COL20A1: variants seen among roughly 807,000 people sequenced by gnomAD.
The protein encoded by COL20A1 is collagen type XX alpha 1 chain, also known as collagen alpha-1(XX) chain.
COL20A1 carries 164 observed loss-of-function variants against 152.9 expected under a neutral mutation model. That is an observed-to-expected ratio of 1.07 (90% confidence interval 0.94 to 1.22). COL20A1 has a LOEUF of 1.22. Among genes scored for constraint, COL20A1 ranks in the 50% most tolerant of loss-of-function variants. The pLI, the probability that COL20A1 is intolerant of heterozygous loss-of-function variation, is 0.00. For synonymous variants in COL20A1, 864 were observed against 756.0 expected (o/e 1.14, Z -2.34); for missense variants, 1,873 against 1,744.8 (o/e 1.07, Z -1.31).
chr20:63,303,004 G>C (rs1020173913), intron 3 of COL20A1, among the ~76,000 whole-genome samples: 1 of 152,188 alleles, frequency 6.6e-6, no homozygotes, highest in African/African-American at 2.4e-5. Flanking sequence ...GGTGTGTCTT[G>C]TGAAGTTAAG....
intron 21 of COL20A1, among the ~76,000 whole-genome samples, chr20:63,318,282 C>T (rs80095577): frequency 9.4e-4 from 143 of 152,306 alleles, no homozygotes; most frequent in Admixed American, 2.0e-3. Context: ...ATCACAGGTG[C>T]CCAGGCCCCA....
intron 30 of COL20A1, 98 bp downstream of exon 30, chr20:63,326,247 G>A (rs902459393): frequency 2.1e-5 from 20 of 975,160 alleles, no homozygotes; most frequent in Non-Finnish European, 3.1e-5. Context: ...CCACCCCTAG[G>A]TTACCCCAGG....
At position 63,328,147 on chromosome 20, in the gene COL20A1, T is replaced by G; in HGVS notation, c.3613+20T>G. On this transcript the variant is annotated intron_variant, in intron 33 of 35. Coordinates refer to ENST00000358894, the MANE Select transcript of COL20A1 (RefSeq NM_020882.4). Reference sequence around the variant, plus strand: ...AGGCCTGTGAGTCTGCCATTCAGAGTGAGTGAGGCCAGCAGCCCTGCACCT... The same window carrying G: ...AGGCCTGTGAGTCTGCCATTCAGAGGGAGTGAGGCCAGCAGCCCTGCACCT... 1 of 1,612,556 alleles carries G rather than the reference T, an allele frequency of 6.2e-7. No individual in the cohort carries two copies. Among genetic ancestry groups the G allele is most frequent in the African/African-American group, 1.3e-5 (1 of 74,966 alleles).
At chr20:63,317,720 T>TC (rs1040442027) in intron 21 of COL20A1, among the ~76,000 whole-genome samples, 1 of 148,790 alleles carries the variant, frequency 6.7e-6, no homozygotes, top group Non-Finnish European at 1.5e-5. Flanking sequence ...ATCCTCTCCC[T>TC]CCCCCCAGTC....
Position 63,320,204 on chromosome 20 carries a change from TG to T in COL20A1, c.3075+10del. ...CCGGAGCAGTTCGGCCGCGGTGAGT[TG>T]GGCCCTGCCCACCTGCTGGGCCACG... is the stretch of plus-strand genomic sequence containing the variant. On this transcript the variant is annotated splice_region_variant and intron_variant, in intron 24 of 35. Transcript: ENST00000358894. 1.9e-6 allele frequency: 3 copies of T among 1,595,864 alleles called. No individual in the cohort carries two copies. The highest frequency in any genetic ancestry group is 2.6e-6 in the Non-Finnish European group (3 of 1,174,500).
At chr20:63,308,405 T>C (rs2067958373) in intron 7 of COL20A1, 137 bp from the exon 8 acceptor site, 1 of 887,870 alleles carries the variant, frequency 1.1e-6, no homozygotes, top group Non-Finnish European at 1.7e-6. Context: ...CCCTCCCTGC[T>C]CCCTTGGGCT....
intron 26 of COL20A1, 68 bp downstream of exon 26, chr20:63,321,167 A>T: frequency 9.1e-7 from 1 of 1,095,216 alleles, no homozygotes; most frequent in Non-Finnish European, 1.4e-6. Context: ...CCACTGGTGG[A>T]TGTGTAACCC....
intron 3 of COL20A1, among the ~76,000 whole-genome samples, chr20:63,304,727 C>T (rs1173587400): frequency 6.6e-6 from 1 of 151,052 alleles, no homozygotes; most frequent in Non-Finnish European, 1.5e-5. Context: ...GTTCCTCCCT[C>T]CCTCCCTCCC....
intron 8 of COL20A1, among the ~76,000 whole-genome samples, chr20:63,309,063 C>T (rs892851158): frequency 1.3e-5 from 2 of 152,176 alleles, no homozygotes; most frequent in African/African-American, 4.8e-5. Flanking sequence ...TTCCTGGCAT[C>T]CTCCAGGGCC....
chr20:63,323,079 C>T (rs1292626597), intron 27 of COL20A1, among the ~76,000 whole-genome samples: 1 of 152,298 alleles, frequency 6.6e-6, no homozygotes, highest in Non-Finnish European at 1.5e-5. Context: ...CCCCATCTTG[C>T]ATTCCTGGCT....
intron 3 of COL20A1, among the ~76,000 whole-genome samples, chr20:63,300,475 T>G (rs995450403): frequency 1.3e-5 from 2 of 152,232 alleles, no homozygotes; most frequent in Non-Finnish European, 2.9e-5. Context: ...TTGTATTTTA[T>G]ATAAATTTCC....
rs6089886 is a variant in COL20A1 at position 63,328,956 on chromosome 20, G to A, written c.3781+458G>A. On this transcript the variant is annotated intron_variant, in intron 34 of 35. Transcript: ENST00000358894. ...TTGGTGCTCCTCCTCCTCTGAGGCAGCAGCGGTGGGTCATGACTTGGACGC... is the reference window on the plus strand; with the variant it reads ...TTGGTGCTCCTCCTCCTCTGAGGCAACAGCGGTGGGTCATGACTTGGACGC... 4.2e-3 allele frequency among the ~76,000 whole-genome samples: 642 copies of A among 152,324 alleles called. 6 individuals carry two copies. Among genetic ancestry groups the A allele is most frequent in the South Asian group, 0.019 (91 of 4,828 alleles).
chr20:63,315,014 C>T (rs1288942370), intron 19 of COL20A1, among the ~76,000 whole-genome samples: 1 of 152,112 alleles, frequency 6.6e-6, no homozygotes, highest in East Asian at 1.9e-4. Context: ...CTCCCTGGCC[C>T]CCAGGACACG....
chr20:63,312,785 C>T lies in COL20A1; in HGVS notation c.1934-7C>T. Reference sequence around the variant, plus strand: ...ACACCCCCAGCCTGTGTCTCCACTTCCTTCAGAGAAAGCTCCCAGCCCAAG... The same window carrying T: ...ACACCCCCAGCCTGTGTCTCCACTTTCTTCAGAGAAAGCTCCCAGCCCAAG... On this transcript the variant is annotated splice_polypyrimidine_tract_variant and splice_region_variant and intron_variant, in intron 15 of 35. Transcript: ENST00000358894. The T allele has an allele frequency of 1.9e-6, 3 of 1,542,282 alleles. No individual in the cohort carries two copies. Among genetic ancestry groups the T allele is most frequent in the Non-Finnish European group, 2.6e-6 (3 of 1,138,266 alleles).
At chr20:63,298,107 C>T (rs1041955902) in intron 3 of COL20A1, 87 bp downstream of exon 3, 4 of 814,140 alleles carry the variant, frequency 4.9e-6, no homozygotes, top group African/African-American at 3.4e-5. Context: ...CACTCAGGCC[C>T]ACAGCATCCC....
At chr20:63,325,050 C>T (rs933613142) in intron 27 of COL20A1, 1 of 344,934 alleles carries the variant, frequency 2.9e-6, no homozygotes, top group Non-Finnish European at 5.6e-6. Flanking sequence ...CTCTGCCATT[C>T]TCTAGCTCTG....
chr20:63,311,223 A>C lies in COL20A1; in HGVS notation c.1394-171A>C, dbSNP rs372647516. ...CTGTGGGGTGGCCTTGTGTCCCCAG[A>C]GCTGGAGCCACAAACCTTGGCCCAA... On this transcript the variant is annotated intron_variant, in intron 11 of 35. Transcript: ENST00000358894. The surrounding 1 kb of genome is among the most constrained non-coding windows in gnomAD (Gnocchi z 4.4). 6.6e-6 allele frequency among the ~76,000 whole-genome samples: 1 copy of C among 152,164 alleles called. No homozygotes were observed. The highest frequency in any genetic ancestry group is 1.5e-5 in the Non-Finnish European group (1 of 68,032).
chr20:63,295,217 T>C (rs1199065719), intron 2 of COL20A1, 28 bp downstream of exon 2: 2 of 1,499,982 alleles, frequency 1.3e-6, no homozygotes, highest in Non-Finnish European at 1.8e-6. Context: ...GGGCCCCTGC[T>C]TGCCCCGAGG....
chr20:63,327,661 CCCG>C, intron 31 of COL20A1: 1 of 492,808 alleles, frequency 2.0e-6, no homozygotes, highest in Non-Finnish European at 3.7e-6. Context: ...GTGTCCCACA[CCCG>C]CCATCTCCCC....
Sources: gnomAD v4.1 joint callset for allele counts (sites outside exome capture counted in the v4.1 genomes callset) on GRCh38, gnomAD v4.1.1 for gene constraint, Gnocchi (gnomAD v3.1) non-coding constraint, MANE v1.5 for transcripts, NCBI Gene and HGNC (gene_info 2026-07-23, HGNC 2026-07-21) for gene names.